SDK1: variants seen among roughly 807,000 people sequenced by gnomAD.
The protein encoded by SDK1 is protein sidekick-1.
In SDK1, 157 loss-of-function variants were observed where a neutral mutation model predicts 245.5. That is an observed-to-expected ratio of 0.64 (90% CI 0.56 to 0.73). SDK1 has a LOEUF of 0.73. Among genes scored for constraint, SDK1 ranks in the 30% least tolerant of loss-of-function variants. The pLI is 0.00. For missense variants in SDK1, 3,583 were observed against 3,002.3 expected (o/e 1.19, Z -4.52); for synonymous variants, 1,647 against 1,278.5 (o/e 1.29, Z -6.15).
intron 5 of SDK1, among the ~76,000 whole-genome samples, chr7:3,853,866 G>C (rs1156515845): frequency 6.6e-6 from 1 of 152,080 alleles, no homozygotes; most frequent in African/African-American, 2.4e-5. Context: ...GCGCACCCCT[G>C]TAGTCCCAGC....
intron 1 of SDK1, among the ~76,000 whole-genome samples, chr7:3,516,234 T>A (rs1203284263): frequency 1.3e-5 from 2 of 151,880 alleles, no homozygotes; most frequent in African/African-American, 4.8e-5. Flanking sequence ...ATATATTATG[T>A]GATATATACA....
chr7:4,035,144 A>ATT (rs535594795), intron 17 of SDK1, among the ~76,000 whole-genome samples: 171 of 147,098 alleles, frequency 1.2e-3, no homozygotes, highest in African/African-American at 4.1e-3. Flanking sequence ...ATGCCCAGCT[A>ATT]TTTTTTTTTT....
At chr7:3,398,854 T>G (rs1212234304) in intron 1 of SDK1, among the ~76,000 whole-genome samples, 2 of 151,372 alleles carry the variant, frequency 1.3e-5, no homozygotes, top group South Asian at 4.2e-4. Context: ...TACAGTTATT[T>G]CCTCTAGTAG....
intron 1 of SDK1, among the ~76,000 whole-genome samples, chr7:3,400,889 T>A (rs1169190999): frequency 6.6e-6 from 1 of 152,164 alleles, no homozygotes; most frequent in Non-Finnish European, 1.5e-5. Flanking sequence ...GCCAGAGGAA[T>A]TGCTTATGGA....
chr7:3,536,972 T>A (rs1157219535), intron 1 of SDK1, among the ~76,000 whole-genome samples: 2 of 152,138 alleles, frequency 1.3e-5, no homozygotes, highest in African/African-American at 4.8e-5. Context: ...ATTTTTTTCT[T>A]CAATCTCTCT....
intron 1 of SDK1, among the ~76,000 whole-genome samples, chr7:3,585,955 C>T (rs1421038844): frequency 6.6e-6 from 1 of 152,172 alleles, no homozygotes; most frequent in East Asian, 1.9e-4. Context: ...GTATGTGGCT[C>T]TTTGTTTCAG....
chr7:3,922,440 C>T (rs1311766963), intron 5 of SDK1, among the ~76,000 whole-genome samples: 2 of 152,200 alleles, frequency 1.3e-5, no homozygotes, highest in Non-Finnish European at 2.9e-5. Flanking sequence ...CAGGGCTGGT[C>T]GTGAGATGTT....
chr7:3,454,326 GT>G (rs1780607932), intron 1 of SDK1, among the ~76,000 whole-genome samples: 1 of 150,618 alleles, frequency 6.6e-6, no homozygotes, highest in South Asian at 2.1e-4. Flanking sequence ...CGTTTTTTCA[GT>G]TTTCCCATTT....
At chr7:3,686,272 C>G (rs900596538) in intron 4 of SDK1, among the ~76,000 whole-genome samples, 2 of 152,154 alleles carry the variant, frequency 1.3e-5, no homozygotes, top group South Asian at 4.1e-4. Flanking sequence ...GACGGGGTTT[C>G]ACCATGTTGG....
chr7:3,588,361 C>G (rs1780755623), intron 1 of SDK1, among the ~76,000 whole-genome samples: 2 of 152,190 alleles, frequency 1.3e-5, no homozygotes, highest in South Asian at 4.1e-4. Context: ...TAGTTGTATA[C>G]TAATGAGTAA....
At chr7:3,654,008 G>A (rs1038527437) in intron 4 of SDK1, among the ~76,000 whole-genome samples, 7 of 152,178 alleles carry the variant, frequency 4.6e-5, no homozygotes, top group Non-Finnish European at 8.8e-5. Context: ...AAGGTATGCA[G>A]GGGTGTTCAG....
At chr7:3,334,061 G>T (rs1178540369) in intron 1 of SDK1, among the ~76,000 whole-genome samples, 2 of 152,148 alleles carry the variant, frequency 1.3e-5, no homozygotes, top group Non-Finnish European at 2.9e-5. Context: ...AACCCAGTTG[G>T]ACCATACCAT....
intron 1 of SDK1, among the ~76,000 whole-genome samples, chr7:3,414,786 G>T (rs1399578635): frequency 6.6e-6 from 1 of 151,990 alleles, no homozygotes; most frequent in Non-Finnish European, 1.5e-5. Context: ...TAATCTACTT[G>T]CTGTATTCTG....
chr7:3,442,014 C>A (rs926294426), intron 1 of SDK1, among the ~76,000 whole-genome samples: 1 of 152,160 alleles, frequency 6.6e-6, no homozygotes, highest in Non-Finnish European at 1.5e-5. Context: ...AGCATCCTCA[C>A]GCCACAGATG....
chr7:3,939,096 T>C (rs781740015), intron 5 of SDK1, among the ~76,000 whole-genome samples: 3 of 152,246 alleles, frequency 2.0e-5, no homozygotes, highest in Admixed American at 2.0e-4. Context: ...ATTTCCTCTC[T>C]TTCCCTTTCC....
intron 1 of SDK1, among the ~76,000 whole-genome samples, chr7:3,519,858 A>C (rs1782877353): frequency 6.6e-6 from 1 of 152,172 alleles, no homozygotes; most frequent in Admixed American, 6.6e-5. Flanking sequence ...TTTTAGTAAA[A>C]AGGATGTTAG....
intron 4 of SDK1, among the ~76,000 whole-genome samples, chr7:3,724,631 T>C (rs1778955739): frequency 6.6e-6 from 1 of 152,208 alleles, no homozygotes; most frequent in Admixed American, 6.5e-5. Flanking sequence ...AAGTGGTTTT[T>C]ATCCCAAGAA....
intron 1 of SDK1, among the ~76,000 whole-genome samples, chr7:3,581,551 G>C (rs987081156): frequency 1.3e-5 from 2 of 152,138 alleles, no homozygotes; most frequent in Admixed American, 6.5e-5. Flanking sequence ...GTTGTGGGGA[G>C]GGTAAATTAG....
chr7:3,426,548 A>G (rs1199912784), intron 1 of SDK1, among the ~76,000 whole-genome samples: 2 of 152,232 alleles, frequency 1.3e-5, no homozygotes, highest in African/African-American at 4.8e-5. Context: ...TGTAAAACCC[A>G]TAGGACAGTA....
Sources: allele counts gnomAD v4.1 joint callset (sites outside exome capture counted in the v4.1 genomes callset), GRCh38; gene constraint gnomAD v4.1.1; transcripts MANE v1.5; gene names NCBI Gene and HGNC (gene_info 2026-07-23, HGNC 2026-07-21).